Variants in ACAN observed in about 807,000 individuals in gnomAD.
ACAN encodes aggrecan core protein.
In ACAN, 47 loss-of-function variants were observed where a neutral mutation model predicts 169.1. The observed-to-expected ratio is 0.28, with a 90% CI of 0.22 to 0.35. ACAN has a LOEUF of 0.35. Ranked by LOEUF, ACAN falls within the 10% of genes least tolerant of loss-of-function variation. The probability of loss-of-function intolerance (pLI) is 1.00; values close to 1 mark genes in which losing one functional copy is unlikely to be tolerated. For missense variants in ACAN, 2,716 were observed against 2,759.9 expected (o/e 0.98, Z 0.36); for synonymous variants, 1,115 against 1,112.2 (o/e 1.00, Z -0.05).
At chr15:88,860,155 C>A (rs1218245987) in intron 12 of ACAN, among the ~76,000 whole-genome samples, 171 bp from the exon 13 acceptor site, 3 of 146,524 alleles carry the variant, frequency 2.0e-5, no homozygotes, top group Non-Finnish European at 4.4e-5. Context: ...GAGAGCTCCC[C>A]CCGATGCTGT....
Position 88,866,580 on chromosome 15 carries a change from C to T in ACAN, c.6947-1636C>T, listed in dbSNP as rs183126310. On this transcript the variant is annotated intron_variant, in intron 13 of 18. Transcript: ENST00000560601. This position sits in a 1 kb window ranked among gnomAD's most constrained non-coding sequence, Gnocchi z 5.6. Reference sequence around the variant, plus strand: ...GGTTCTAGTCTATGGTGTGCCCCCCCGAGATGAAGTTAAAGACTTCATGGG... The same window carrying T: ...GGTTCTAGTCTATGGTGTGCCCCCCTGAGATGAAGTTAAAGACTTCATGGG... Among the ~76,000 whole-genome samples the T allele has an allele frequency of 5.2e-4, 79 of 152,074 alleles. No homozygotes were observed. In the East Asian group the frequency reaches 0.01, roughly 19 times the overall value.
chr15:88,845,368 G>A, intron 6 of ACAN, 137 bp from the exon 7 acceptor site: 1 of 1,309,170 alleles, frequency 7.6e-7, no homozygotes, highest in Non-Finnish European at 1.0e-6. Context: ...GGCTTGGCAA[G>A]GTGCCTGGCA....
chr15:88,826,710 T>A (rs1280719598), intron 1 of ACAN, among the ~76,000 whole-genome samples: 3 of 152,220 alleles, frequency 2.0e-5, no homozygotes, highest in Non-Finnish European at 4.4e-5. Flanking sequence ...TAATTAGTGA[T>A]GCATTTTCCC....
Position 88,866,372 on chromosome 15 carries a change from T to C in ACAN, c.6947-1844T>C, listed in dbSNP as rs1983332. On this transcript the variant is annotated intron_variant, in intron 13 of 18. Coordinates refer to ENST00000560601, the MANE Select transcript of ACAN (RefSeq NM_001369268.1). This position sits in a 1 kb window ranked among gnomAD's most constrained non-coding sequence, Gnocchi z 5.6. ...CATCTCCCATAATGACGCTAATGGA[T>C]AAAAGAGAACAGGCAGGAGAGCCGC... Among the ~76,000 whole-genome samples the C allele has an allele frequency of 0.4, 60,702 of 152,004 alleles. 12,978 individuals are homozygous for C. Among genetic ancestry groups the C allele is most frequent in the African/African-American group, 0.57 (23,773 of 41,452 alleles).
At chr15:88,848,885 G>A (rs1250890807) in intron 9 of ACAN, among the ~76,000 whole-genome samples, 1 of 152,198 alleles carries the variant, frequency 6.6e-6, no homozygotes, top group East Asian at 1.9e-4. Context: ...AAAGTTCTTG[G>A]CACAAGTAGG....
chr15:88,807,312 G>A lies in ACAN; in HGVS notation c.-8+3503G>A, dbSNP rs1015249025. ...GCTGCCCTGGGAAAGGGGATCAGGA[G>A]CACATCTTGGGAACAGGAGCCTTCC... is the stretch of plus-strand genomic sequence containing the variant. On this transcript the variant is annotated intron_variant, in intron 1 of 18. Transcript: ENST00000560601. This position sits in a 1 kb window ranked among gnomAD's most constrained non-coding sequence, Gnocchi z 4.0. Among the ~76,000 whole-genome samples the A allele has an allele frequency of 3.3e-5, 5 of 152,342 alleles. No individual in the cohort carries two copies. Among genetic ancestry groups the A allele is most frequent in the Admixed American group, 2.6e-4 (4 of 15,310 alleles).
chr15:88,822,724 A>G (rs1042392991), intron 1 of ACAN, among the ~76,000 whole-genome samples: 12 of 152,034 alleles, frequency 7.9e-5, no homozygotes, highest in African/African-American at 2.7e-4. Context: ...GTGAGCCACC[A>G]CGCCTGGCCG....
At chr15:88,819,937 C>T (rs1896032541) in intron 1 of ACAN, among the ~76,000 whole-genome samples, 1 of 152,046 alleles carries the variant, frequency 6.6e-6, no homozygotes. Flanking sequence ...GGAGTCAGAC[C>T]AATCCGGGTT....
At chr15:88,827,711 G>A (rs1896259387) in intron 1 of ACAN, among the ~76,000 whole-genome samples, 1 of 152,244 alleles carries the variant, frequency 6.6e-6, no homozygotes, top group African/African-American at 2.4e-5. Context: ...TCCTCAGTGA[G>A]GGAGGAACCA....
intron 1 of ACAN, among the ~76,000 whole-genome samples, chr15:88,830,946 A>G (rs759038381): frequency 3.9e-5 from 6 of 152,176 alleles, no homozygotes; most frequent in Admixed American, 6.5e-5. Flanking sequence ...CAGGACCATC[A>G]TCGTAGGTAC....
Position 88,854,984 on chromosome 15 carries a change from C to T in ACAN, c.2399C>T (p.Ser800Phe). The T allele has an allele frequency of 6.3e-7, 1 of 1,597,144 alleles. No individual in the cohort carries two copies. Among genetic ancestry groups the T allele is most frequent in the Non-Finnish European group, 8.5e-7 (1 of 1,172,578 alleles). Reference sequence around the variant, plus strand: ...GTGCCATTCCCCTCAGAGGAGCCATCCCCCTCAGAGGAACCATTCCCCTCA... The same window carrying T: ...GTGCCATTCCCCTCAGAGGAGCCATTCCCCTCAGAGGAACCATTCCCCTCA... ...SEVPFPSEEP[S>F]PSEEPFPSVR... The change falls in exon 12 of 19, where the codon TCC (serine) becomes TTC (phenylalanine). Residue 800 changes from serine to phenylalanine, a missense_variant. By Grantham distance (155) the Ser-to-Phe change is radical. This residue lies in a region of ACAN where 1,283 missense variants were observed against 1,281.5 expected (regional missense o/e 1.00). Coordinates refer to ENST00000560601, the MANE Select transcript of ACAN (RefSeq NM_001369268.1).
At chr15:88,812,042 G>C (rs899055509) in intron 1 of ACAN, among the ~76,000 whole-genome samples, 1 of 152,174 alleles carries the variant, frequency 6.6e-6, no homozygotes, top group Non-Finnish European at 1.5e-5. Flanking sequence ...TGATTGCTTA[G>C]ATTGCCTCCA....
At chr15:88,859,463 CTG>C in intron 12 of ACAN, 46 bp downstream of exon 12, 1 of 1,551,040 alleles carries the variant, frequency 6.4e-7, no homozygotes, top group Non-Finnish European at 8.7e-7. Context: ...GTAGTTCAGA[CTG>C]TAGCCTACTG....
At position 88,810,939 on chromosome 15, in the gene ACAN, T is replaced by G. The variant is rs1021106992; in HGVS notation, c.-8+7130T>G. 2.0e-5 allele frequency among the ~76,000 whole-genome samples: 3 copies of G among 152,198 alleles called. No homozygotes were observed. In the South Asian group the frequency reaches 6.2e-4, roughly 32 times the overall value. The stretch of plus-strand genomic sequence containing the variant: ...AAGATCTTCTCTCTAGCCCTGCCTC[T>G]TGGGCCACTTGCTCTCTTCCTTCCC... On this transcript the variant is annotated intron_variant, in intron 1 of 18. Coordinates refer to ENST00000560601, the MANE Select transcript of ACAN (RefSeq NM_001369268.1).
At chr15:88,826,692 T>G (rs1337617326) in intron 1 of ACAN, among the ~76,000 whole-genome samples, 2 of 152,216 alleles carry the variant, frequency 1.3e-5, no homozygotes, top group Non-Finnish European at 2.9e-5. Context: ...TTTCCCTCTC[T>G]CGTGAACTAA....
At chr15:88,836,693 G>A (rs1320648849) in intron 2 of ACAN, among the ~76,000 whole-genome samples, 1 of 152,244 alleles carries the variant, frequency 6.6e-6, no homozygotes, top group Admixed American at 6.5e-5. Flanking sequence ...TTGGGAGACA[G>A]CCAGAGAAAA....
chr15:88,848,155 GC>G, intron 9 of ACAN, 117 bp downstream of exon 9: 1 of 1,426,632 alleles, frequency 7.0e-7, no homozygotes, highest in Non-Finnish European at 9.4e-7. Flanking sequence ...ATTCCACCCA[GC>G]TTTCCAGGTG....
chr15:88,865,966 T>C (rs1897273753), intron 13 of ACAN, among the ~76,000 whole-genome samples: 1 of 152,140 alleles, frequency 6.6e-6, no homozygotes, highest in South Asian at 2.1e-4. Flanking sequence ...CTTTCAGGAT[T>C]GTGGCCCTTC....
Position 88,851,974 on chromosome 15 carries a change from C to G in ACAN, c.2207C>G (p.Pro736Arg), listed in dbSNP as rs1896941814. The change falls in exon 11 of 19, where the codon CCA becomes CGA. Residue 736 changes from proline (P) to arginine (R), a missense_variant. This residue lies in a region of ACAN where 1,283 missense variants were observed against 1,281.5 expected (regional missense o/e 1.00). Coordinates refer to ENST00000560601, the MANE Select transcript of ACAN (RefSeq NM_001369268.1). This position sits in a 1 kb window ranked among gnomAD's most constrained non-coding sequence, Gnocchi z 4.3. ...GCCATCCTAGAGTTCACCACCGAGCCAGAAAACCAGACAGAATGGGAACCA... is the reference window on the plus strand; with the variant it reads ...GCCATCCTAGAGTTCACCACCGAGCGAGAAAACCAGACAGAATGGGAACCA... ...TTAILEFTTE[P>R]ENQTEWEPAY... is the part of the protein sequence containing the mutation. 1 of 1,612,164 alleles carries G rather than the reference C, an allele frequency of 6.2e-7. No individual in the cohort carries two copies. The highest frequency in any genetic ancestry group is 1.3e-5 in the African/African-American group (1 of 74,872).
Sources: gnomAD v4.1 joint callset for allele counts (sites outside exome capture counted in the v4.1 genomes callset) on GRCh38, gnomAD v4.1.1 for gene constraint, gnomAD v4.1.1 regional missense constraint, Gnocchi (gnomAD v3.1) non-coding constraint, MANE v1.5 for transcripts, NCBI Gene and HGNC (gene_info 2026-07-23, HGNC 2026-07-21) for gene names.